EIF3J: variants seen among roughly 807,000 people sequenced by gnomAD.
The protein encoded by EIF3J is eukaryotic translation initiation factor 3, subunit 1 (alpha, 35kD).
A neutral mutation model predicts 39.0 loss-of-function variants in EIF3J; 15 were observed. That is an observed-to-expected ratio of 0.38 (90% CI 0.26 to 0.59). EIF3J has a LOEUF of 0.59. Ranked by LOEUF, EIF3J falls within the 20% of genes least tolerant of loss-of-function variation. The pLI is 0.60. For missense variants in EIF3J, 226 were observed against 308.6 expected (o/e 0.73, Z 2.00); for synonymous variants, 98 against 112.9 (o/e 0.87, Z 0.84).
At position 44,561,105 on chromosome 15, in the gene EIF3J, G is replaced by C. The variant is rs1191735083; in HGVS notation, c.733G>C (p.Gly245Arg). 2 of 1,613,480 alleles carry C rather than the reference G, an allele frequency of 1.2e-6. No homozygotes were observed. Among genetic ancestry groups the C allele is most frequent in the Non-Finnish European group, 1.7e-6 (2 of 1,179,794 alleles). The change falls in exon 8 of 8, where the codon GGT becomes CGT. Residue 245 changes from glycine (G) to arginine (R), a missense_variant. Physicochemically the swap from Gly to Arg is moderately radical, Grantham distance 125. Transcript: ENST00000261868. ...GAAAGATGATCTGGCAGATTATGGT[G>C]GTTATGATGGAGGATATGTACAAGA... ...TMKDDLADYG[G>R]YDGGYVQDYE...
chr15:44,551,257 C>A (rs558470824), intron 3 of EIF3J, among the ~76,000 whole-genome samples, 174 bp from the exon 4 acceptor site: 15 of 152,142 alleles, frequency 9.9e-5, no homozygotes, highest in African/African-American at 3.4e-4. Context: ...TCTTAGGGGT[C>A]ACATTAGAGA....
intron 2 of EIF3J, among the ~76,000 whole-genome samples, chr15:44,540,262 TA>T (rs1567115225): frequency 1.5e-3 from 81 of 53,886 alleles, no homozygotes; most frequent in Middle Eastern, 0.011. Context: ...TATATATATA[TA>T]TATATTTTTT....
chr15:44,549,527 C>T (rs1322920554), intron 2 of EIF3J, among the ~76,000 whole-genome samples: 3 of 151,974 alleles, frequency 2.0e-5, no homozygotes, highest in South Asian at 2.1e-4. Flanking sequence ...TCCAGCACTT[C>T]GGGAAGCCGA....
chr15:44,551,068 T>C (rs1029374408), intron 3 of EIF3J, 138 bp downstream of exon 3: 1 of 1,372,678 alleles, frequency 7.3e-7, no homozygotes, highest in Non-Finnish European at 9.6e-7. Flanking sequence ...ATTCCCACTT[T>C]ATTCTGTTTT....
intron 3 of EIF3J, among the ~76,000 whole-genome samples, chr15:44,551,226 A>C (rs2082096367): frequency 6.6e-6 from 1 of 152,142 alleles, no homozygotes; most frequent in Non-Finnish European, 1.5e-5. Flanking sequence ...GACGGTGGGG[A>C]AATATGAAGA....
chr15:44,551,628 A>T (rs1160263889), intron 4 of EIF3J, 106 bp downstream of exon 4: 1 of 840,186 alleles, frequency 1.2e-6, no homozygotes, highest in Non-Finnish European at 1.8e-6. Flanking sequence ...TGAAGACTGT[A>T]AATGGATACC....
At chr15:44,557,675 C>T (rs2082156879) in intron 6 of EIF3J, 25 bp downstream of exon 6, 1 of 1,407,738 alleles carries the variant, frequency 7.1e-7, no homozygotes, top group Middle Eastern at 1.9e-4. Flanking sequence ...TTTCTAGCCC[C>T]TCTGGGTAGA....
chr15:44,538,664 G>A (rs1457766722), intron 2 of EIF3J, among the ~76,000 whole-genome samples: 1 of 152,124 alleles, frequency 6.6e-6, no homozygotes, highest in African/African-American at 2.4e-5. Context: ...TTAATAAATC[G>A]ACTGGTTATT....
chr15:44,549,785 A>C (rs1042564065), intron 2 of EIF3J, among the ~76,000 whole-genome samples: 12 of 150,562 alleles, frequency 8.0e-5, no homozygotes, highest in African/African-American at 1.7e-4. Context: ...AAAAAAAAAA[A>C]AAAAACCATT....
intron 7 of EIF3J, chr15:44,560,715 G>C (rs2082184930): frequency 3.0e-6 from 1 of 338,412 alleles, no homozygotes; most frequent in Non-Finnish European, 5.2e-6. Flanking sequence ...ATTTTAAATT[G>C]GGGGGTACTT....
At chr15:44,546,967 G>A (rs1426534829) in intron 2 of EIF3J, among the ~76,000 whole-genome samples, 1 of 151,300 alleles carries the variant, frequency 6.6e-6, no homozygotes, top group Admixed American at 6.6e-5. Context: ...GATTACGGGC[G>A]TGCACCACCA....
Position 44,561,445 on chromosome 15 carries a change from A to AAAG in EIF3J, c.*297_*299dup, listed in dbSNP as rs1471140522. 2 of 243,758 alleles carry AAAG rather than the reference A, an allele frequency of 8.2e-6. No individual in the cohort carries two copies. Among genetic ancestry groups the AAAG allele is most frequent in the East Asian group, 1.7e-4 (2 of 11,816 alleles). The allele number at this position is 243,758 out of a possible 1,614,324, so 15.1% of individuals were successfully genotyped here. A position where few individuals can be genotyped will look rare whatever the true frequency, so the allele number is the denominator to read the frequency against. ...AGCAGCAGTCACTAAATTGGAAACA[A>AAAG]AAGGTTGCAACGTGACAAAAAAAAT... On this transcript the variant is annotated 3_prime_UTR_variant, in exon 8 of 8. Coordinates refer to ENST00000261868, the MANE Select transcript of EIF3J (RefSeq NM_003758.4).
At chr15:44,537,275 C>T (rs769664999) in intron 1 of EIF3J, 38 bp downstream of exon 1, 44 of 1,567,626 alleles carry the variant, frequency 2.8e-5, no homozygotes, top group Non-Finnish European at 3.7e-5. Context: ...CGGGCCGGCG[C>T]CGGCCCCACG....
In EIF3J at chr15:44,562,573, C is replaced by A. The variant is rs561296743; in HGVS notation, c.*1424C>A. 5.7e-4 allele frequency: 87 copies of A among 153,408 alleles called. No homozygotes were observed. Among genetic ancestry groups the A allele is most frequent in the Non-Finnish European group, 1.0e-3 (69 of 68,682 alleles). The allele number at this position is 153,408 out of a possible 1,614,324, so 9.5% of individuals were successfully genotyped here. A position where few individuals can be genotyped will look rare whatever the true frequency, so the allele number is the denominator to read the frequency against. On this transcript the variant is annotated 3_prime_UTR_variant, in exon 8 of 8. Coordinates refer to ENST00000261868, the MANE Select transcript of EIF3J (RefSeq NM_003758.4). ...ACTAAGTGGAAAACAAGACCATCAT[C>A]TAAGTGATTTGAGAAATTAACAAAA...
In EIF3J at chr15:44,554,028, G is replaced by A. The variant is rs551334046; in HGVS notation, c.295-525G>A. Among the ~76,000 whole-genome samples, 408 of 152,162 alleles carry A rather than the reference G, an allele frequency of 2.7e-3. 3 individuals carry two copies. The highest frequency in any genetic ancestry group is 4.4e-3 in the Admixed American group (67 of 15,270). On this transcript the variant is annotated intron_variant, in intron 4 of 7. Coordinates refer to ENST00000261868, the MANE Select transcript of EIF3J (RefSeq NM_003758.4). Reference sequence around the variant, plus strand: ...ACCAGCTGTTACCTTCTATTTAGTTGTGGGCAGGTTGTTTCTTTGTGCCTC... The same window carrying A: ...ACCAGCTGTTACCTTCTATTTAGTTATGGGCAGGTTGTTTCTTTGTGCCTC...
intron 2 of EIF3J, among the ~76,000 whole-genome samples, chr15:44,539,559 C>G (rs2081991137): frequency 6.6e-6 from 1 of 151,606 alleles, no homozygotes; most frequent in Non-Finnish European, 1.5e-5. Flanking sequence ...CACCACCACG[C>G]CCGGCTAATT....
Position 44,540,317 on chromosome 15 carries a change from G to A in EIF3J, c.147+2890G>A, listed in dbSNP as rs1379703398. On this transcript the variant is annotated intron_variant, in intron 2 of 7. Coordinates refer to ENST00000261868, the MANE Select transcript of EIF3J (RefSeq NM_003758.4). The stretch of plus-strand genomic sequence containing the variant: ...AGGGTTTCGCCATGTTACCTAGGCT[G>A]GTCTCAAACTCCTGAGGTCAAAGTG... 4.4e-5 allele frequency among the ~76,000 whole-genome samples: 6 copies of A among 136,232 alleles called. No individual in the cohort carries two copies. The East Asian group carries it at 1.3e-3, about 29-fold the overall frequency. 89.4% of individuals were successfully genotyped at this position (136,232 alleles called of 152,430 possible). A position where few individuals can be genotyped will look rare whatever the true frequency, so the allele number is the denominator to read the frequency against.
intron 2 of EIF3J, 44 bp downstream of exon 2, chr15:44,537,471 C>A (rs2081968710): frequency 3.4e-6 from 5 of 1,458,764 alleles, no homozygotes; most frequent in East Asian, 5.4e-5. Context: ...AGCGGGCTGG[C>A]GCTGTTGCCG....
chr15:44,540,379 C>G (rs963016968), intron 2 of EIF3J, among the ~76,000 whole-genome samples: 1 of 150,762 alleles, frequency 6.6e-6, no homozygotes, highest in African/African-American at 2.4e-5. Flanking sequence ...GCTGGGATTA[C>G]AGATGTGAGC....
Sources: allele counts gnomAD v4.1 joint callset (sites outside exome capture counted in the v4.1 genomes callset), GRCh38; gene constraint gnomAD v4.1.1; transcripts MANE v1.5; gene names NCBI Gene and HGNC (gene_info 2026-07-23, HGNC 2026-07-21).